ANXA7: variants seen among roughly 807,000 people sequenced by gnomAD.
The protein encoded by ANXA7 is annexin VII.
Under a neutral mutation model 64.9 loss-of-function variants are expected in ANXA7, and 55 were observed. The observed-to-expected ratio is 0.85, with a 90% confidence interval of 0.68 to 1.06. The LOEUF (loss-of-function observed/expected upper bound fraction) is 1.06, where lower values mean the gene tolerates loss of function less well. Ranked by LOEUF, ANXA7 falls within the 50% of genes least tolerant of loss-of-function variation. The probability of loss-of-function intolerance (pLI) is 0.00; values close to 1 mark genes in which losing one functional copy is unlikely to be tolerated. For missense variants in ANXA7, 548 were observed against 582.1 expected (o/e 0.94, Z 0.60); for synonymous variants, 200 against 192.4 (o/e 1.04, Z -0.33).
chr10:73,375,888 C>T lies in ANXA7; in HGVS notation c.*207G>A, dbSNP rs2055161248. On this transcript the variant is annotated 3_prime_UTR_variant, in exon 13 of 13. Coordinates refer to ENST00000372921, the MANE Select transcript of ANXA7 (RefSeq NM_001156.5). The stretch of plus-strand genomic sequence containing the variant: ...ATATTACTGTATCATTGTGATATGG[C>T]TTTACATTGATTGTATGTAGAGAAC... The T allele has an allele frequency of 5.3e-6, 2 of 375,950 alleles. No individual in the cohort carries two copies. Among genetic ancestry groups the T allele is most frequent in the Non-Finnish European group, 9.4e-6 (2 of 212,010 alleles). 23.3% of individuals were successfully genotyped at this position (375,950 alleles called of 1,614,324 possible).
intron 1 of ANXA7, among the ~76,000 whole-genome samples, chr10:73,401,523 G>A (rs780091700): frequency 6.0e-5 from 9 of 150,816 alleles, no homozygotes; most frequent in East Asian, 3.9e-4. Flanking sequence ...TTTTGGAGAC[G>A]GAGTCTCACC....
chr10:73,396,141 A>C (rs2055571374), intron 5 of ANXA7: 1 of 1,453,996 alleles, frequency 6.9e-7, no homozygotes, highest in Non-Finnish European at 9.6e-7. Context: ...ATAAAGGTAA[A>C]AATGGGAAAC....
chr10:73,406,608 C>T lies in ANXA7; in HGVS notation c.-1-5751G>A, dbSNP rs116577783. On this transcript the variant is annotated intron_variant, in intron 1 of 12. Coordinates refer to ENST00000372921, the MANE Select transcript of ANXA7 (RefSeq NM_001156.5). ...TTTTTGAGATGGTTTCTTGCTCTAT[C>T]GCCCAGGCTGGAGTGCAGTAGTGTG... 9.5e-3 allele frequency among the ~76,000 whole-genome samples: 1,449 copies of T among 152,170 alleles called. 23 individuals carry two copies. The highest frequency in any genetic ancestry group is 0.034 in the African/African-American group (1,402 of 41,504).
chr10:73,397,224 C>T lies in ANXA7; in HGVS notation c.310G>A (p.Gly104Arg). Residue 104 changes from glycine to arginine, a missense_variant, in exon 4 of 13, where the codon GGG (glycine) becomes AGG (arginine). Coordinates refer to ENST00000372921, the MANE Select transcript of ANXA7 (RefSeq NM_001156.5). Reference sequence around the variant, plus strand: ...GACTGTGAAGGTGGCTGTGGATACCCAGAAAAGCCTGCTCCACCTGGTGGG... The same window carrying T: ...GACTGTGAAGGTGGCTGTGGATACCTAGAAAAGCCTGCTCCACCTGGTGGG... Reference protein sequence around the residue: ...GVPPGGAGFSGYPQPPSQSYG... With the variant: ...GVPPGGAGFSRYPQPPSQSYG... 6.2e-7 allele frequency: 1 copy of T among 1,612,588 alleles called. No homozygotes were observed. Among genetic ancestry groups the T allele is most frequent in the Non-Finnish European group, 8.5e-7 (1 of 1,179,112 alleles).
In ANXA7 at chr10:73,396,069, G is replaced by A. The variant is rs145770891; in HGVS notation, c.435+450C>T. ...TTCACTGCTATAATCCAAAGAAACAGGAGAGAAAACAGGATAGGAAGAAAA... is the reference window on the plus strand; with the variant it reads ...TTCACTGCTATAATCCAAAGAAACAAGAGAGAAAACAGGATAGGAAGAAAA... On this transcript the variant is annotated intron_variant, in intron 5 of 12. Coordinates refer to ENST00000372921, the MANE Select transcript of ANXA7 (RefSeq NM_001156.5). The A allele has an allele frequency of 7.5e-6, 12 of 1,595,410 alleles. No individual in the cohort carries two copies. The African/African-American group carries it at 1.6e-4, about 21-fold the overall frequency.
intron 5 of ANXA7, 94 bp from the exon 6 acceptor site, chr10:73,388,508 G>A (rs1455892088): frequency 2.2e-6 from 2 of 929,748 alleles, no homozygotes; most frequent in Non-Finnish European, 3.4e-6. Flanking sequence ...TCTTAAGTAA[G>A]AAGGCCAATG....
intron 5 of ANXA7, among the ~76,000 whole-genome samples, chr10:73,395,063 T>G (rs1357678671): frequency 6.6e-6 from 1 of 152,176 alleles, no homozygotes; most frequent in East Asian, 1.9e-4. Context: ...AAAAAAGGAC[T>G]GAAAGCAACT....
chr10:73,377,769 T>G (rs998197140), intron 12 of ANXA7, among the ~76,000 whole-genome samples: 8 of 141,500 alleles, frequency 5.7e-5, no homozygotes, highest in South Asian at 2.3e-4. Flanking sequence ...GGGGGGTGGG[T>G]GTGGGTGTGT....
At chr10:73,397,132 A>T (rs1431147763) in intron 4 of ANXA7, 32 bp downstream of exon 4, 2 of 1,257,176 alleles carry the variant, frequency 1.6e-6, no homozygotes, top group African/African-American at 3.0e-5. Context: ...AAATATCATG[A>T]TACTGTTTTT....
chr10:73,383,341 G>A lies in ANXA7; in HGVS notation c.752C>T (p.Ala251Val), dbSNP rs1345845155. ...AWSLRKAMQG[A>V]GTQERVLIEI... ...AATCAATACACGTTCCTGAGTTCCTGCTCCCTACATGAAATGAAGGGAAGA... is the reference window on the plus strand; with the variant it reads ...AATCAATACACGTTCCTGAGTTCCTACTCCCTACATGAAATGAAGGGAAGA... Residue 251 changes from alanine to valine, a missense_variant, in exon 9 of 13, where the codon GCA (alanine) becomes GTA (valine). Physicochemically the swap from Ala to Val is moderately conservative, Grantham distance 64. Coordinates refer to ENST00000372921, the MANE Select transcript of ANXA7 (RefSeq NM_001156.5). 1.9e-6 allele frequency: 3 copies of A among 1,609,268 alleles called. No individual in the cohort carries two copies. The highest frequency in any genetic ancestry group is 4.5e-5 in the East Asian group (2 of 44,828).
chr10:73,389,875 T>G (rs2055440324), intron 5 of ANXA7, among the ~76,000 whole-genome samples: 1 of 152,202 alleles, frequency 6.6e-6, no homozygotes, highest in Non-Finnish European at 1.5e-5. Flanking sequence ...TCCCCCTGCC[T>G]TGGCCTCCCA....
intron 5 of ANXA7, among the ~76,000 whole-genome samples, chr10:73,394,918 T>C (rs1207333141): frequency 6.6e-6 from 1 of 152,254 alleles, no homozygotes; most frequent in African/African-American, 2.4e-5. Context: ...TAGTGTTTCA[T>C]GTTTAAAAGT....
chr10:73,383,214 T>G lies in ANXA7; in HGVS notation c.879A>C (p.Thr293=). The G allele has an allele frequency of 6.2e-7, 1 of 1,614,080 alleles. No individual in the cohort carries two copies. Residue 293 remains threonine (T), a synonymous_variant, in exon 9 of 13, where the codon ACA becomes ACC. Coordinates refer to ENST00000372921, the MANE Select transcript of ANXA7 (RefSeq NM_001156.5). Reference sequence around the variant, plus strand: ...CAAGTAAACGTTCAAAATGTCCTGATGTATCTGACCTAATGTCCTTTTCAA... The same window carrying G: ...CAAGTAAACGTTCAAAATGTCCTGAGGTATCTGACCTAATGTCCTTTTCAA... ...RDLEKDIRSD[T]SGHFERLLVS...
chr10:73,398,998 A>G lies in ANXA7; in HGVS notation c.55-613T>C, dbSNP rs188420922. 3.4e-3 allele frequency among the ~76,000 whole-genome samples: 518 copies of G among 152,282 alleles called. 1 individual carries two copies. The highest frequency in any genetic ancestry group is 0.012 in the African/African-American group (497 of 41,568). ...CAGTTAGGTCGAACCACATGAATGA[A>G]TATCAGTAAATGAACATAGACAAAA... On this transcript the variant is annotated intron_variant, in intron 2 of 12. Coordinates refer to ENST00000372921, the MANE Select transcript of ANXA7 (RefSeq NM_001156.5).
intron 1 of ANXA7, among the ~76,000 whole-genome samples, chr10:73,413,424 AGTGTTTG>A (rs1241663799): frequency 3.3e-5 from 5 of 152,172 alleles, no homozygotes; most frequent in Non-Finnish European, 7.3e-5. Context: ...TTCCTTGCGC[AGTGTTTG>A]CACAGGATGA....
At chr10:73,409,823 A>G (rs1017289459) in intron 1 of ANXA7, among the ~76,000 whole-genome samples, 1 of 152,222 alleles carries the variant, frequency 6.6e-6, no homozygotes, top group African/African-American at 2.4e-5. Context: ...AGGCACATAG[A>G]CCAATGGAAC....
intron 1 of ANXA7, among the ~76,000 whole-genome samples, chr10:73,403,050 A>C (rs532180457): frequency 6.6e-6 from 1 of 152,026 alleles, no homozygotes; most frequent in African/African-American, 2.4e-5. Flanking sequence ...GTCTTGAACT[A>C]CTGACCTGGT....
chr10:73,394,998 A>G (rs1180889492), intron 5 of ANXA7, among the ~76,000 whole-genome samples: 1 of 152,264 alleles, frequency 6.6e-6, no homozygotes. Context: ...CAAAATTTTC[A>G]TAACAAAAGT....
intron 1 of ANXA7, among the ~76,000 whole-genome samples, chr10:73,410,640 G>A (rs1307280882): frequency 1.3e-5 from 2 of 152,128 alleles, no homozygotes; most frequent in East Asian, 1.9e-4. Flanking sequence ...AAATTAGCTG[G>A]GCATGGTGGC....
Sources: gnomAD v4.1 joint callset for allele counts (sites outside exome capture counted in the v4.1 genomes callset) on GRCh38, gnomAD v4.1.1 for gene constraint, MANE v1.5 for transcripts, NCBI Gene and HGNC (gene_info 2026-07-23, HGNC 2026-07-21) for gene names.